Variants in ADAMTS3 observed in about 807,000 individuals in gnomAD.
ADAMTS3 encodes the protein A disintegrin and metalloproteinase with thrombospondin motifs 3.
Under a neutral mutation model 129.0 loss-of-function variants are expected in ADAMTS3, and 73 were observed. The ratio of observed to expected loss-of-function variants is 0.57; its 90% CI spans 0.47 to 0.69. The LOEUF is 0.69. ADAMTS3 is among the 30% of genes least tolerant of loss of function. The pLI, the probability that ADAMTS3 is intolerant of heterozygous loss-of-function variation, is 0.00. For missense variants in ADAMTS3, 1,457 were observed against 1,514.5 expected (o/e 0.96, Z 0.63); for synonymous variants, 477 against 510.8 (o/e 0.93, Z 0.89).
intron 3 of ADAMTS3, among the ~76,000 whole-genome samples, chr4:72,485,105 G>A (rs2086530): frequency 0.36 from 54,031 of 151,858 alleles, 10,516 homozygotes; most frequent in South Asian, 0.58. Flanking sequence ...CAGCCACAAG[G>A]TTTTCATTAA....
chr4:72,445,866 A>G (rs1718238204), intron 3 of ADAMTS3, among the ~76,000 whole-genome samples: 1 of 151,792 alleles, frequency 6.6e-6, no homozygotes, highest in Non-Finnish European at 1.5e-5. Flanking sequence ...TAATTCGAAG[A>G]GAAGATTCTA....
At chr4:72,506,791 T>C (rs1578743037) in intron 3 of ADAMTS3, among the ~76,000 whole-genome samples, 1 of 152,208 alleles carries the variant, frequency 6.6e-6, no homozygotes, top group East Asian at 1.9e-4. Context: ...CTCACTTTTA[T>C]CAGCCAGTCT....
intron 2 of ADAMTS3, among the ~76,000 whole-genome samples, chr4:72,566,901 A>G (rs149599363): frequency 1.1e-4 from 17 of 152,380 alleles, no homozygotes; most frequent in Non-Finnish European, 2.2e-4. Context: ...AGCAGATTGA[A>G]TAACAGAAGT....
Position 72,548,862 on chromosome 4 carries a change from T to C in ADAMTS3, c.120A>G (p.Arg40=), listed in dbSNP as rs777362946. The change falls in exon 3 of 22, where the codon AGA becomes AGG. Residue 40 remains arginine (R), a synonymous_variant. Transcript: ENST00000286657. Reference sequence around the variant, plus strand: ...TGACTGGAGTCACCAGCTCATACTCTCTATATCTCTTTATTGGTAAATCTG... The same window carrying C: ...TGACTGGAGTCACCAGCTCATACTCCCTATATCTCTTTATTGGTAAATCTG... The part of the protein sequence containing the change: ...VQIDLPIKRY[R]EYELVTPVST... 6.2e-7 allele frequency: 1 copy of C among 1,609,924 alleles called. No homozygotes were observed. The highest frequency in any genetic ancestry group is 1.7e-5 in the Admixed American group (1 of 59,922).
intron 3 of ADAMTS3, among the ~76,000 whole-genome samples, chr4:72,534,529 A>T (rs1721138992): frequency 6.6e-6 from 1 of 152,180 alleles, no homozygotes; most frequent in Admixed American, 6.5e-5. Flanking sequence ...TGGAAAAGGG[A>T]ATCAACCAGT....
At chr4:72,350,360 T>C (rs942327022) in intron 4 of ADAMTS3, among the ~76,000 whole-genome samples, 6 of 152,086 alleles carry the variant, frequency 3.9e-5, no homozygotes, top group Non-Finnish European at 8.8e-5. Context: ...GATTTAATGA[T>C]TGCTTTAATA....
intron 4 of ADAMTS3, among the ~76,000 whole-genome samples, chr4:72,391,043 T>C (rs529664077): frequency 2.6e-5 from 4 of 152,114 alleles, no homozygotes; most frequent in Non-Finnish European, 5.9e-5. Flanking sequence ...AAAATGATCT[T>C]CCCACTGCAG....
chr4:72,296,624 A>G (rs1171958696), intron 18 of ADAMTS3, among the ~76,000 whole-genome samples: 2 of 152,098 alleles, frequency 1.3e-5, no homozygotes, highest in African/African-American at 4.8e-5. Context: ...TTGCTGAACC[A>G]TTTGAAAGTT....
chr4:72,490,515 C>T (rs777653373), intron 3 of ADAMTS3, among the ~76,000 whole-genome samples: 9 of 151,746 alleles, frequency 5.9e-5, no homozygotes, highest in African/African-American at 1.5e-4. Flanking sequence ...TACATTTGAA[C>T]GGAATTTTGC....
At chr4:72,402,397 GATAACA>G (rs1453920651) in intron 4 of ADAMTS3, among the ~76,000 whole-genome samples, 1 of 152,104 alleles carries the variant, frequency 6.6e-6, no homozygotes, top group Non-Finnish European at 1.5e-5. Flanking sequence ...ATAAATAAAT[GATAACA>G]ATAACATACC....
At position 72,375,833 on chromosome 4, in the gene ADAMTS3, G is replaced by T. The variant is rs553652858; in HGVS notation, c.662-36140C>A. On this transcript the variant is annotated intron_variant, in intron 4 of 21. Transcript: ENST00000286657. ...GAAGAAAAATAAGCATCCTTATCTT[G>T]AACTTTGCTAGGAGTCTCTCTTATA... Among the ~76,000 whole-genome samples, 14 of 152,258 alleles carry T rather than the reference G, an allele frequency of 9.2e-5. No individual in the cohort carries two copies. The East Asian group carries it at 2.7e-3, about 29-fold the overall frequency.
chr4:72,355,622 G>A lies in ADAMTS3; in HGVS notation c.662-15929C>T, dbSNP rs542571710. On this transcript the variant is annotated intron_variant, in intron 4 of 21. Transcript: ENST00000286657. ...GTGACATCATAGTATTCATCCCCTC[G>A]TGGGTTTCCCCCATCCATCATGTGA... is the stretch of plus-strand genomic sequence containing the variant. Among the ~76,000 whole-genome samples the A allele has an allele frequency of 2.0e-4, 31 of 152,026 alleles. 1 individual carries two copies. Among genetic ancestry groups the A allele is most frequent in the African/African-American group, 6.5e-4 (27 of 41,508 alleles).
chr4:72,519,572 C>A (rs142244885), intron 3 of ADAMTS3, among the ~76,000 whole-genome samples: 9 of 152,260 alleles, frequency 5.9e-5, no homozygotes, highest in African/African-American at 2.2e-4. Context: ...TCCCTTCTCG[C>A]TTCATTTGAT....
At chr4:72,389,335 C>T (rs1044664244) in intron 4 of ADAMTS3, among the ~76,000 whole-genome samples, 1 of 151,848 alleles carries the variant, frequency 6.6e-6, no homozygotes, top group South Asian at 2.1e-4. Flanking sequence ...GAATGACCAC[C>T]CCTCAGGAAT....
chr4:72,528,570 C>T (rs1450674755), intron 3 of ADAMTS3, among the ~76,000 whole-genome samples: 5 of 146,460 alleles, frequency 3.4e-5, no homozygotes, highest in African/African-American at 7.5e-5. Context: ...CTAGCTTGTA[C>T]GTGAAAGTAG....
At chr4:72,429,220 A>G (rs1722639394) in intron 3 of ADAMTS3, among the ~76,000 whole-genome samples, 1 of 152,128 alleles carries the variant, frequency 6.6e-6, no homozygotes, top group Non-Finnish European at 1.5e-5. Flanking sequence ...CTATTTAAAG[A>G]AAACATGAAT....
chr4:72,375,095 A>G (rs1398906571), intron 4 of ADAMTS3, among the ~76,000 whole-genome samples: 1 of 152,086 alleles, frequency 6.6e-6, no homozygotes, highest in Admixed American at 6.6e-5. Context: ...TTGGCTACCT[A>G]TTTTATTACC....
In ADAMTS3 at chr4:72,409,431, T is replaced by C. The variant is rs562129815; in HGVS notation, c.661+5384A>G. 9.2e-5 allele frequency among the ~76,000 whole-genome samples: 14 copies of C among 152,296 alleles called. No individual in the cohort carries two copies. In the South Asian group the frequency reaches 2.7e-3, roughly 29 times the overall value. On this transcript the variant is annotated intron_variant, in intron 4 of 21. Transcript: ENST00000286657. ...GTATGTTTACTGCCTTCAATTTCACTTCAGTCAGTCAAACATATTTAAAAC... is the reference window on the plus strand; with the variant it reads ...GTATGTTTACTGCCTTCAATTTCACCTCAGTCAGTCAAACATATTTAAAAC...
intron 15 of ADAMTS3, among the ~76,000 whole-genome samples, chr4:72,307,886 A>G (rs965174293): frequency 2.0e-5 from 3 of 151,966 alleles, no homozygotes; most frequent in Non-Finnish European, 2.9e-5. Context: ...AACAGTTTGA[A>G]TTGGTATGAC....
Sources: gnomAD v4.1 joint callset for allele counts (sites outside exome capture counted in the v4.1 genomes callset) on GRCh38, gnomAD v4.1.1 for gene constraint, MANE v1.5 for transcripts, NCBI Gene and HGNC (gene_info 2026-07-23, HGNC 2026-07-21) for gene names.